Variants in DNAH14 observed in about 807,000 individuals in gnomAD.
DNAH14 encodes dynein axonemal heavy chain 14, also known as axonemal beta dynein heavy chain 14.
A neutral mutation model predicts 520.9 loss-of-function variants in DNAH14; 478 were observed. The observed-to-expected ratio is 0.92, with a 90% CI of 0.85 to 0.99. The LOEUF (loss-of-function observed/expected upper bound fraction) is 0.99. Ranked by LOEUF, DNAH14 falls within the 50% of genes least tolerant of loss-of-function variation. The probability of loss-of-function intolerance (pLI) is 0.00; values close to 1 mark genes in which losing one functional copy is unlikely to be tolerated. For missense variants in DNAH14, 4,831 were observed against 5,234.5 expected (o/e 0.92, Z 2.38); for synonymous variants, 1,581 against 1,757.2 (o/e 0.90, Z 2.51).
chr1:225,153,158 AT>A (rs1055348083), intron 33 of DNAH14, among the ~76,000 whole-genome samples: 5 of 152,096 alleles, frequency 3.3e-5, no homozygotes, highest in African/African-American at 9.7e-5. Context: ...ATTACGGACT[AT>A]TTTTTTCCAT....
intron 1 of DNAH14, among the ~76,000 whole-genome samples, chr1:224,939,138 AAG>A (rs1364838746): frequency 6.6e-6 from 1 of 152,274 alleles, no homozygotes; most frequent in Non-Finnish European, 1.5e-5. Flanking sequence ...CTCATTAAAA[AAG>A]AGAAATAACA....
In DNAH14 at chr1:225,121,654, A is replaced by T. The variant is rs1239788437; in HGVS notation, c.4167-1873A>T. Among the ~76,000 whole-genome samples the T allele has an allele frequency of 3.3e-5, 5 of 152,082 alleles. No homozygotes were observed. The East Asian group carries it at 9.7e-4, about 29-fold the overall frequency. ...TCAGGAGTTTGAGACCAGCCTGGCC[A>T]ACATGGTGAAACCCTGTCTCTACTA... On this transcript the variant is annotated intron_variant, in intron 26 of 85. Transcript: ENST00000682510.
rs1157008621 is a variant in DNAH14, at chr1:225,335,678, T to C, written c.10081-1588T>C. On this transcript the variant is annotated intron_variant, in intron 66 of 85. Coordinates refer to ENST00000682510, the MANE Select transcript of DNAH14 (RefSeq NM_001367479.1). ...GCATATATACATATGTGCATATATG[T>C]ATATACGCATATATACATATGTGCA... is the stretch of plus-strand genomic sequence containing the variant. Among the ~76,000 whole-genome samples the C allele has an allele frequency of 1.7e-3, 162 of 95,184 alleles. 40 individuals are homozygous for C. The highest frequency in any genetic ancestry group is 4.5e-3 in the African/African-American group (92 of 20,326). 62.4% of individuals were successfully genotyped at this position (95,184 alleles called of 152,430 possible). A position where few individuals can be genotyped will look rare whatever the true frequency, so the allele number is the denominator to read the frequency against.
At chr1:225,350,823 A>G (rs979901416) in intron 71 of DNAH14, among the ~76,000 whole-genome samples, 8 of 152,190 alleles carry the variant, frequency 5.3e-5, no homozygotes, top group Non-Finnish European at 8.8e-5. Flanking sequence ...TTAAAAATTA[A>G]CATAAATTTT....
chr1:225,351,837 T>G lies in DNAH14; in HGVS notation c.11487T>G (p.Ser3829=), dbSNP rs1297099987. ...AVYSLISTPF[S]SENASLEENT... ...ATTCTCTGATCAGCACACCTTTCTCTTCAGAAAATGCTTCATTGGAGGAAA... is the reference window on the plus strand; with the variant it reads ...ATTCTCTGATCAGCACACCTTTCTCGTCAGAAAATGCTTCATTGGAGGAAA... The change falls in exon 72 of 86, where the codon TCT becomes TCG. Residue 3829 remains serine, a synonymous_variant. Coordinates refer to ENST00000682510, the MANE Select transcript of DNAH14 (RefSeq NM_001367479.1). The G allele has an allele frequency of 3.2e-6, 5 of 1,551,210 alleles. No homozygotes were observed. The East Asian group carries it at 9.8e-5, about 30-fold the overall frequency.
intron 41 of DNAH14, among the ~76,000 whole-genome samples, chr1:225,208,045 A>G (rs1482398149): frequency 1.3e-5 from 2 of 152,186 alleles, no homozygotes; most frequent in African/African-American, 2.4e-5. Flanking sequence ...AGGTAAAAAC[A>G]TATTTTCTCC....
At chr1:225,304,529 C>T (rs2094202794) in intron 57 of DNAH14, among the ~76,000 whole-genome samples, 1 of 151,874 alleles carries the variant, frequency 6.6e-6, no homozygotes, top group Non-Finnish European at 1.5e-5. Context: ...TGCACTTTGG[C>T]CTGGACAAAA....
At chr1:225,183,485 A>G (rs1395059126) in intron 36 of DNAH14, among the ~76,000 whole-genome samples, 1 of 152,208 alleles carries the variant, frequency 6.6e-6, no homozygotes, top group Non-Finnish European at 1.5e-5. Flanking sequence ...TTAGCAATCT[A>G]GCATTGCACC....
Position 225,257,986 on chromosome 1 carries a change from A to C in DNAH14, c.6892A>C (p.Arg2298=), listed in dbSNP as rs970087147. ...RGTSLLTNLQ[R]SGGNFLKITE... ...AACTTCATTACTAACTAATCTTCAA[A>C]GATCTGGCGGAAACTTCTTGAAGAT... The change falls in exon 45 of 86, where the codon AGA becomes CGA. Residue 2298 remains arginine (R), a synonymous_variant. Transcript: ENST00000682510. 2 of 1,548,282 alleles carry C rather than the reference A, an allele frequency of 1.3e-6. No individual in the cohort carries two copies. The highest frequency in any genetic ancestry group is 1.7e-6 in the Non-Finnish European group (2 of 1,146,056).
At chr1:225,116,698 G>T (rs1216259824) in intron 23 of DNAH14, among the ~76,000 whole-genome samples, 1 of 152,184 alleles carries the variant, frequency 6.6e-6, no homozygotes, top group African/African-American at 2.4e-5. Context: ...TCAGCATTAA[G>T]ATGTATGGGT....
chr1:225,058,919 T>C (rs1268850725), intron 17 of DNAH14, among the ~76,000 whole-genome samples: 1 of 152,226 alleles, frequency 6.6e-6, no homozygotes, highest in African/African-American at 2.4e-5. Flanking sequence ...TTTTTATTCT[T>C]TTACATTTGC....
At chr1:225,066,627 T>C (rs1558846084) in intron 17 of DNAH14, among the ~76,000 whole-genome samples, 1 of 152,050 alleles carries the variant, frequency 6.6e-6, no homozygotes, top group Non-Finnish European at 1.5e-5. Context: ...ACCCAATATG[T>C]AGTCTTTTAT....
intron 54 of DNAH14, among the ~76,000 whole-genome samples, chr1:225,284,561 T>C (rs1392555060): frequency 6.6e-6 from 1 of 152,138 alleles, no homozygotes; most frequent in Non-Finnish European, 1.5e-5. Flanking sequence ...ACCAAACATC[T>C]AAGGAAGAAT....
chr1:225,050,510 C>T, intron 16 of DNAH14, 134 bp downstream of exon 16: 8 of 959,122 alleles, frequency 8.3e-6, no homozygotes, highest in Non-Finnish European at 1.2e-5. Flanking sequence ...CAGCTTATCT[C>T]CCCATTTGTT....
At chr1:225,287,195 C>T (rs2093767290) in intron 54 of DNAH14, among the ~76,000 whole-genome samples, 1 of 152,022 alleles carries the variant, frequency 6.6e-6, no homozygotes, top group Non-Finnish European at 1.5e-5. Flanking sequence ...AAGAATGAGC[C>T]TTAATGTTTA....
At chr1:224,973,651 A>G (rs939662517) in intron 7 of DNAH14, among the ~76,000 whole-genome samples, 2 of 152,230 alleles carry the variant, frequency 1.3e-5, no homozygotes, top group East Asian at 3.8e-4. Context: ...TAAGTATTAT[A>G]TAATATCAAA....
At chr1:225,251,174 A>G (rs943878789) in intron 43 of DNAH14, among the ~76,000 whole-genome samples, 6 of 146,186 alleles carry the variant, frequency 4.1e-5, no homozygotes, top group Non-Finnish European at 7.5e-5. Context: ...GTAAAACTAT[A>G]AACTTTTTTT....
At chr1:225,331,352 CT>C in intron 64 of DNAH14, 84 bp from the exon 65 acceptor site, 11 of 1,337,850 alleles carry the variant, frequency 8.2e-6, no homozygotes, top group Non-Finnish European at 1.1e-5. Context: ...AATGGTAACA[CT>C]ATATTTATAT....
intron 43 of DNAH14, among the ~76,000 whole-genome samples, chr1:225,247,401 ATAAG>A (rs1406542026): frequency 6.6e-6 from 1 of 152,166 alleles, no homozygotes; most frequent in African/African-American, 2.4e-5. Context: ...AATAAAAAAA[ATAAG>A]TAAATAAAAA....
Sources: allele counts gnomAD v4.1 joint callset (sites outside exome capture counted in the v4.1 genomes callset), GRCh38; gene constraint gnomAD v4.1.1; transcripts MANE v1.5; gene names NCBI Gene and HGNC (gene_info 2026-07-23, HGNC 2026-07-21).